Variants in ZFYVE26 observed in about 807,000 individuals in gnomAD.
ZFYVE26 encodes the protein zinc finger FYVE-type containing 26.
A neutral mutation model predicts 276.5 loss-of-function variants in ZFYVE26; 181 were observed. That is an observed-to-expected ratio of 0.65 (90% confidence interval 0.58 to 0.74). ZFYVE26 has a LOEUF of 0.74. Among genes scored for constraint, ZFYVE26 ranks in the 30% least tolerant of loss-of-function variants. The pLI is 0.00. For synonymous variants in ZFYVE26, 1,129 were observed against 1,203.1 expected (o/e 0.94, Z 1.27); for missense variants, 2,821 against 3,097.9 (o/e 0.91, Z 2.12).
At chr14:67,808,184 C>T (rs1394892190) in intron 4 of ZFYVE26, among the ~76,000 whole-genome samples, 2 of 152,136 alleles carry the variant, frequency 1.3e-5, no homozygotes, top group African/African-American at 4.8e-5. Context: ...AAGAGATGAA[C>T]TCAATTGCCC....
chr14:67,798,922 C>A, intron 10 of ZFYVE26: 1 of 1,040,566 alleles, frequency 9.6e-7, no homozygotes. Context: ...CGCTGAGCTC[C>A]GCTTGGCGCC....
intron 32 of ZFYVE26, among the ~76,000 whole-genome samples, chr14:67,764,764 C>CA (rs2039015529): frequency 6.6e-6 from 1 of 152,100 alleles, no homozygotes. Flanking sequence ...TGTAAACTGT[C>CA]AAAGACGCGC....
intron 27 of ZFYVE26, among the ~76,000 whole-genome samples, chr14:67,773,550 G>GGC (rs1260021624): frequency 1.9e-4 from 3 of 15,620 alleles, no homozygotes; most frequent in Non-Finnish European, 8.3e-4. Context: ...AAAAAAAAAA[G>GGC]GCGCACACAC....
intron 10 of ZFYVE26, among the ~76,000 whole-genome samples, chr14:67,801,829 A>G (rs922096730): frequency 2.0e-5 from 3 of 152,228 alleles, no homozygotes; most frequent in Admixed American, 2.0e-4. Context: ...ACCGTGAAAT[A>G]TAGTTTTTAA....
intron 10 of ZFYVE26, 141 bp downstream of exon 10, chr14:67,801,938 A>T: frequency 1.1e-6 from 1 of 888,012 alleles, no homozygotes; most frequent in Non-Finnish European, 1.8e-6. Context: ...AGGCTGACAG[A>T]TGGATGAAAC....
intron 32 of ZFYVE26, 111 bp downstream of exon 32, chr14:67,766,116 G>A (rs2039049719): frequency 9.4e-7 from 1 of 1,059,642 alleles, no homozygotes; most frequent in Non-Finnish European, 1.4e-6. Context: ...AAATCTTTCA[G>A]CATGTCTTGT....
intron 15 of ZFYVE26, among the ~76,000 whole-genome samples, chr14:67,790,129 C>T (rs971661506): frequency 1.3e-5 from 2 of 152,226 alleles, no homozygotes; most frequent in African/African-American, 4.8e-5. Flanking sequence ...GGCTCTTTTG[C>T]AGTGCATCCA....
chr14:67,813,476 C>T (rs181667532), intron 3 of ZFYVE26, among the ~76,000 whole-genome samples: 17 of 151,598 alleles, frequency 1.1e-4, no homozygotes, highest in Admixed American at 3.9e-4. Context: ...TAATTCCTTA[C>T]CAGGTTTTTT....
rs1340025363 is a variant in ZFYVE26, at chr14:67,781,328, C to G, written c.4569+5G>C. 1 of 1,614,068 alleles carries G rather than the reference C, an allele frequency of 6.2e-7. No homozygotes were observed. Among genetic ancestry groups the G allele is most frequent in the Non-Finnish European group, 8.5e-7 (1 of 1,180,016 alleles). ...TTCCCTTTCTCTTGATGCGAGGGCCCATACCTTCTGATACACCTGCAGCTC... is the reference window on the plus strand; with the variant it reads ...TTCCCTTTCTCTTGATGCGAGGGCCGATACCTTCTGATACACCTGCAGCTC... On this transcript the variant is annotated splice_donor_5th_base_variant and intron_variant, in intron 22 of 41. Coordinates refer to ENST00000347230, the MANE Select transcript of ZFYVE26 (RefSeq NM_015346.4).
chr14:67,770,583 T>C (rs1185758143), intron 28 of ZFYVE26: 1 of 152,194 alleles, frequency 6.6e-6, no homozygotes, highest in Non-Finnish European at 1.5e-5. Flanking sequence ...CTCCAAATTA[T>C]ATACCTTCTC....
At position 67,777,558 on chromosome 14, in the gene ZFYVE26, C is replaced by T. The variant is rs778882560; in HGVS notation, c.4974+1G>A. ...GCCTGGATTTCACGGTGTATCCTTA[C>T]CTTGGATCCCACATACAGCGCCTGG... On this transcript the variant is annotated splice_donor_variant, in intron 25 of 41. Coordinates refer to ENST00000347230, the MANE Select transcript of ZFYVE26 (RefSeq NM_015346.4). LOFTEE classifies it high-confidence loss of function. 1 of 1,613,926 alleles carries T rather than the reference C, an allele frequency of 6.2e-7. No homozygotes were observed. The highest frequency in any genetic ancestry group is 8.5e-7 in the Non-Finnish European group (1 of 1,180,010).
chr14:67,785,263 G>A lies in ZFYVE26; in HGVS notation c.3319C>T (p.Pro1107Ser). The A allele has an allele frequency of 6.2e-7, 1 of 1,606,814 alleles. No homozygotes were observed. Among genetic ancestry groups the A allele is most frequent in the South Asian group, 1.1e-5 (1 of 90,524 alleles). The change falls in exon 19 of 42, where the codon CCA (proline) becomes TCA (serine). Residue 1107 changes from proline to serine, a missense_variant. By Grantham distance (74) the Pro-to-Ser change is moderately conservative. Coordinates refer to ENST00000347230, the MANE Select transcript of ZFYVE26 (RefSeq NM_015346.4). The part of the protein sequence containing the change: ...ALELPEPRTP[P>S]LSSLVEQAAQ... ...GCCTGCTCCACCAGGGAAGACAGTGGAGGAGTCCTGGGCTCTGAGAGGAGG... is the reference window on the plus strand; with the variant it reads ...GCCTGCTCCACCAGGGAAGACAGTGAAGGAGTCCTGGGCTCTGAGAGGAGG...
In ZFYVE26 at chr14:67,780,096, T is replaced by C. The variant is rs545673005; in HGVS notation, c.4674+145A>G. ...CCGTGGTCTCGATCTCCTGACCTTG[T>C]GAGCCGCCCGCCTCGGCCAGAATGT... On this transcript the variant is annotated intron_variant, in intron 23 of 41. Transcript: ENST00000347230. 76 of 787,968 alleles carry C rather than the reference T, an allele frequency of 9.6e-5. No individual in the cohort carries two copies. In the East Asian group the frequency reaches 2.1e-3, roughly 22 times the overall value. The allele number at this position is 787,968 out of a possible 1,614,324, so 48.8% of individuals were successfully genotyped here. A position where few individuals can be genotyped will look rare whatever the true frequency, so the allele number is the denominator to read the frequency against.
downstream of ZFYVE26, among the ~76,000 whole-genome samples, chr14:67,744,845 G>C (rs1009690095): frequency 1.3e-5 from 2 of 152,104 alleles, no homozygotes; most frequent in Non-Finnish European, 2.9e-5. Context: ...CCAAGTCTTT[G>C]CTATTATAAA....
Position 67,814,017 on chromosome 14 carries a change from A to G in ZFYVE26, c.242T>C (p.Leu81Pro). The G allele has an allele frequency of 6.2e-7, 1 of 1,614,056 alleles. No homozygotes were observed. The highest frequency in any genetic ancestry group is 2.2e-5 in the East Asian group (1 of 44,886). The change falls in exon 3 of 42, where the codon CTT (leucine) becomes CCT (proline). Residue 81 changes from leucine (L) to proline (P), a missense_variant. By Grantham distance (98) the Leu-to-Pro change is moderately conservative. Transcript: ENST00000347230. Reference sequence around the variant, plus strand: ...CCGGGCCAACCATTTCTCCAGTACAAGAAGCCAGACCCAGGCTACTCTTTG... The same window carrying G: ...CCGGGCCAACCATTTCTCCAGTACAGGAAGCCAGACCCAGGCTACTCTTTG... ...NPQRVAWVWL[L>P]VLEKWLAREK...
At chr14:67,813,747 C>A (rs1164320943) in intron 3 of ZFYVE26, among the ~76,000 whole-genome samples, 2 of 152,120 alleles carry the variant, frequency 1.3e-5, no homozygotes, top group African/African-American at 4.8e-5. Context: ...CAAAAGTTCT[C>A]TTTAGGCACA....
At chr14:67,814,601 TCACCTC>T (rs1197355797) in intron 2 of ZFYVE26, among the ~76,000 whole-genome samples, 1 of 152,060 alleles carries the variant, frequency 6.6e-6, no homozygotes, top group Non-Finnish European at 1.5e-5. Flanking sequence ...AGCCTTAATC[TCACCTC>T]CACCTCCTTA....
In ZFYVE26 at chr14:67,758,446, A is replaced by G. The variant is rs539272950; in HGVS notation, c.6589-2301T>C. On this transcript the variant is annotated intron_variant, in intron 35 of 41. Transcript: ENST00000347230. Reference sequence around the variant, plus strand: ...TTGGTACTAGGTCAGGTGCCTGAATATACAGATAAGTAAAATATAGGCCTT... The same window carrying G: ...TTGGTACTAGGTCAGGTGCCTGAATGTACAGATAAGTAAAATATAGGCCTT... 7.2e-5 allele frequency among the ~76,000 whole-genome samples: 11 copies of G among 152,260 alleles called. No homozygotes were observed. In the East Asian group the frequency reaches 2.1e-3, roughly 29 times the overall value.
intron 13 of ZFYVE26, among the ~76,000 whole-genome samples, chr14:67,731,144 G>T (rs368557837): frequency 1.3e-5 from 2 of 150,356 alleles, no homozygotes; most frequent in African/African-American, 4.9e-5. Context: ...AAATGTAGCT[G>T]CTAGAAAATT....
Sources: gnomAD v4.1 joint callset for allele counts (sites outside exome capture counted in the v4.1 genomes callset) on GRCh38, gnomAD v4.1.1 for gene constraint, MANE v1.5 for transcripts, NCBI Gene and HGNC (gene_info 2026-07-23, HGNC 2026-07-21) for gene names.